ABCG8: variants seen among roughly 807,000 people sequenced by gnomAD.
ABCG8 encodes the protein ATP-binding cassette sub-family G member 8.
A neutral mutation model predicts 71.3 loss-of-function variants in ABCG8; 81 were observed. That is an observed-to-expected ratio of 1.14 (90% CI 0.95 to 1.37). The LOEUF is 1.37. ABCG8 is among the 40% of genes most tolerant of loss of function. ABCG8 has a pLI of 0.00. For missense variants in ABCG8, 1,119 were observed against 866.2 expected (o/e 1.29, Z -3.66); for synonymous variants, 451 against 354.7 (o/e 1.27, Z -3.05).
intron 6 of ABCG8, among the ~76,000 whole-genome samples, chr2:43,860,328 C>A (rs1001079033): frequency 1.3e-5 from 2 of 151,024 alleles, no homozygotes; most frequent in African/African-American, 4.9e-5. Context: ...GGAACTCTCA[C>A]CCTCTGGATA....
chr2:43,849,520 C>A (rs1252630608), intron 3 of ABCG8, among the ~76,000 whole-genome samples: 1 of 152,194 alleles, frequency 6.6e-6, no homozygotes, highest in South Asian at 2.1e-4. Context: ...TCCCTCGACA[C>A]GTGGGGATTA....
intron 11 of ABCG8, 66 bp from the exon 12 acceptor site, chr2:43,877,495 T>C (rs534319893): frequency 1.1e-4 from 183 of 1,610,078 alleles, no homozygotes; most frequent in Non-Finnish European, 1.3e-4. Context: ...GGGGAGACCA[T>C]GCGAATATGG....
intron 3 of ABCG8, chr2:43,848,336 C>T (rs1668809701): frequency 6.6e-6 from 1 of 152,032 alleles, no homozygotes; most frequent in Admixed American, 6.6e-5. Context: ...GGGTGTTCAC[C>T]TTATTTATTT....
In ABCG8 at chr2:43,866,249, A is replaced by T. The variant is rs544771013; in HGVS notation, c.965-5727A>T. ...CCTAAAACCATAAAAGCCCTAGAAG[A>T]AAACCTAGGCATTACCATTCAGGAC... On this transcript the variant is annotated intron_variant, in intron 6 of 12. Coordinates refer to ENST00000272286, the MANE Select transcript of ABCG8 (RefSeq NM_022437.3). Among the ~76,000 whole-genome samples the T allele has an allele frequency of 3.3e-5, 5 of 151,582 alleles. No homozygotes were observed. In the South Asian group the frequency reaches 1.1e-3, roughly 32 times the overall value.
rs904875663 is a variant in ABCG8 at position 43,844,050 on chromosome 2, C to T, written c.64-457C>T. On this transcript the variant is annotated intron_variant, in intron 1 of 12. Coordinates refer to ENST00000272286, the MANE Select transcript of ABCG8 (RefSeq NM_022437.3). ...ATTAACTCTCAACAGCTGCTTCCCT[C>T]TCACATGCTGCAAGTGTCATGTCTG... Among the ~76,000 whole-genome samples the T allele has an allele frequency of 9.2e-5, 14 of 152,206 alleles. 1 individual carries two copies. Among genetic ancestry groups the T allele is most frequent in the Admixed American group, 9.2e-4 (14 of 15,274 alleles).
At chr2:43,860,671 C>T (rs1417386586) in intron 6 of ABCG8, among the ~76,000 whole-genome samples, 1 of 151,258 alleles carries the variant, frequency 6.6e-6, no homozygotes, top group East Asian at 1.9e-4. Flanking sequence ...TTGTCACCAT[C>T]TGGGTAGAAC....
chr2:43,880,040 G>A lies in ABCG8; in HGVS notation c.*2127G>A, dbSNP rs1256162484. 1 of 152,014 alleles carries A rather than the reference G, an allele frequency of 6.6e-6. No homozygotes were observed. The highest frequency in any genetic ancestry group is 2.4e-5 in the African/African-American group (1 of 41,358). The allele number at this position is 152,014 out of a possible 1,614,324, so 9.4% of individuals were successfully genotyped here. On this transcript the variant is annotated 3_prime_UTR_variant, in exon 13 of 13. Coordinates refer to ENST00000272286, the MANE Select transcript of ABCG8 (RefSeq NM_022437.3). Reference sequence around the variant, plus strand: ...TATCCTTACAACCCTTTATTATTGTGATTAATTCTGATGCTCAGCTTGTCC... The same window carrying A: ...TATCCTTACAACCCTTTATTATTGTAATTAATTCTGATGCTCAGCTTGTCC...
At position 43,851,817 on chromosome 2, in the gene ABCG8, A is replaced by T. The variant is rs2104919135; in HGVS notation, c.556A>T (p.Lys186Ter). 1 of 1,614,122 alleles carries T rather than the reference A, an allele frequency of 6.2e-7. No individual in the cohort carries two copies. Among genetic ancestry groups the T allele is most frequent in the Non-Finnish European group, 8.5e-7 (1 of 1,180,014 alleles). Residue 186 changes from lysine (K) to a stop codon, truncating the protein, a stop_gained, in exon 4 of 13, where the codon AAA becomes TAA. Transcript: ENST00000272286. LOFTEE classifies it high-confidence loss of function. ...PRTFSQAQRD[K>*]RVEDVIAELR... ...AACCTTCTCCCAGGCCCAGCGTGAC[A>T]AAAGGGTAACTAACTGGCCCCAGTG...
rs890766363 is a variant in ABCG8, at chr2:43,852,588, G to A, written c.695-11G>A. ...CCACCGACTCACCAGGCTCCTCTCT[G>A]TGTTGGAAAGGAATCCTTATTCTCG... On this transcript the variant is annotated splice_polypyrimidine_tract_variant and intron_variant, in intron 5 of 12. Transcript: ENST00000272286. 1.9e-6 allele frequency: 3 copies of A among 1,614,044 alleles called. No individual in the cohort carries two copies. The highest frequency in any genetic ancestry group is 2.7e-5 in the African/African-American group (2 of 74,934).
At chr2:43,865,881 C>A (rs542291711) in intron 6 of ABCG8, among the ~76,000 whole-genome samples, 1 of 152,234 alleles carries the variant, frequency 6.6e-6, no homozygotes, top group African/African-American at 2.4e-5. Context: ...TTCTCACTAT[C>A]TGTCTCGATA....
intron 6 of ABCG8, among the ~76,000 whole-genome samples, chr2:43,857,001 C>T (rs1365646057): frequency 6.6e-6 from 1 of 151,890 alleles, no homozygotes; most frequent in Non-Finnish European, 1.5e-5. Context: ...ATAGAACTCG[C>T]ACTATCTACC....
chr2:43,867,831 A>T (rs554066593), intron 6 of ABCG8, among the ~76,000 whole-genome samples: 1 of 151,488 alleles, frequency 6.6e-6, no homozygotes. Context: ...CACTCTCTAG[A>T]TAGAATTCTC....
In ABCG8 at chr2:43,872,940, G is replaced by A. The variant is rs145822564; in HGVS notation, c.1211+634G>A. ...AAAGCCAGACGGCACTGTGTGGCGT[G>A]TGTCTTTCCTGATGTTTCCATGCAT... On this transcript the variant is annotated intron_variant, in intron 8 of 12. Coordinates refer to ENST00000272286, the MANE Select transcript of ABCG8 (RefSeq NM_022437.3). 5.3e-5 allele frequency among the ~76,000 whole-genome samples: 8 copies of A among 152,162 alleles called. No individual in the cohort carries two copies. The East Asian group carries it at 1.5e-3, about 29-fold the overall frequency.
intron 2 of ABCG8, among the ~76,000 whole-genome samples, chr2:43,845,211 C>A (rs1397077857): frequency 1.3e-5 from 2 of 151,636 alleles, no homozygotes; most frequent in African/African-American, 2.4e-5. Flanking sequence ...CACCCAGGAA[C>A]CCCCTGGTCA....
chr2:43,873,703 A>G (rs1572865320), intron 8 of ABCG8, 84 bp from the exon 9 acceptor site: 1 of 1,395,534 alleles, frequency 7.2e-7, no homozygotes, highest in Non-Finnish European at 1.0e-6. Context: ...GAGAAAAATG[A>G]GGCTTATGGA....
At chr2:43,859,876 TCTCA>T (rs1483855691) in intron 6 of ABCG8, among the ~76,000 whole-genome samples, 3 of 151,568 alleles carry the variant, frequency 2.0e-5, no homozygotes, top group Non-Finnish European at 4.4e-5. Context: ...TGGATAGAAC[TCTCA>T]CTATCTATCT....
chr2:43,870,508 T>C (rs1457460770), intron 6 of ABCG8, among the ~76,000 whole-genome samples: 1 of 152,066 alleles, frequency 6.6e-6, no homozygotes. Context: ...TCACTCTCTA[T>C]CTGGATAGAA....
At chr2:43,850,134 G>A (rs1004613368) in intron 3 of ABCG8, among the ~76,000 whole-genome samples, 2 of 152,014 alleles carry the variant, frequency 1.3e-5, no homozygotes, top group South Asian at 2.1e-4. Context: ...TGAGGCAGGG[G>A]AATCTCTTGA....
Position 43,873,797 on chromosome 2 carries a change from T to A in ABCG8, c.1222T>A (p.Ser408Thr). 6.2e-7 allele frequency: 1 copy of A among 1,614,180 alleles called. No homozygotes were observed. The highest frequency in any genetic ancestry group is 8.5e-7 in the Non-Finnish European group (1 of 1,180,036). Reference sequence around the variant, plus strand: ...CTTTTGGTTTTTAAGTCGTCAGATTTCCAACGACTTCCGAGACCTGCCCAC... The same window carrying A: ...CTTTTGGTTTTTAAGTCGTCAGATTACCAACGACTTCCGAGACCTGCCCAC... ...QFTTLIRRQI[S>T]NDFRDLPTLL... The change falls in exon 9 of 13, where the codon TCC becomes ACC. Residue 408 changes from serine (S) to threonine (T), a missense_variant. Transcript: ENST00000272286.
Sources: gnomAD v4.1 joint callset for allele counts (sites outside exome capture counted in the v4.1 genomes callset) on GRCh38, gnomAD v4.1.1 for gene constraint, MANE v1.5 for transcripts, NCBI Gene and HGNC (gene_info 2026-07-23, HGNC 2026-07-21) for gene names.